FOXO1: variants seen among roughly 807,000 people sequenced by gnomAD.
The protein encoded by FOXO1 is forkhead box protein O1.
Under a neutral mutation model 44.1 loss-of-function variants are expected in FOXO1, and 6 were observed. The observed-to-expected ratio is 0.14, with a 90% CI of 0.07 to 0.27. The LOEUF (loss-of-function observed/expected upper bound fraction) is 0.27, where lower values mean the gene tolerates loss of function less well. FOXO1 is among the 10% of genes least tolerant of loss of function. The probability of loss-of-function intolerance (pLI) is 1.00; values close to 1 mark genes in which losing one functional copy is unlikely to be tolerated. For missense variants in FOXO1, 737 were observed against 888.8 expected, an observed-to-expected ratio of 0.83 and a Z score of 2.17; for synonymous variants, 380 against 362.7, an observed-to-expected ratio of 1.05 and a Z score of -0.54.
chr13:40,596,136 A>T (rs1334832271), intron 1 of FOXO1, among the ~76,000 whole-genome samples: 1 of 152,154 alleles, frequency 6.6e-6, no homozygotes, highest in Non-Finnish European at 1.5e-5. Context: ...ATGAGACTTC[A>T]GTCTTCTTAT....
At chr13:40,592,212 T>G (rs1004187289) in intron 1 of FOXO1, among the ~76,000 whole-genome samples, 5 of 152,184 alleles carry the variant, frequency 3.3e-5, no homozygotes, top group Non-Finnish European at 7.4e-5. Context: ...TCAATCTTCA[T>G]GCTACTCTGA....
At chr13:40,578,691 T>C (rs1370429194) in intron 1 of FOXO1, among the ~76,000 whole-genome samples, 3 of 152,198 alleles carry the variant, frequency 2.0e-5, no homozygotes, top group Non-Finnish European at 4.4e-5. Flanking sequence ...TAGGGTGATT[T>C]GAATTCACTG....
intron 1 of FOXO1, among the ~76,000 whole-genome samples, chr13:40,626,606 A>T (rs1398571441): frequency 6.6e-6 from 1 of 152,228 alleles, no homozygotes; most frequent in Non-Finnish European, 1.5e-5. Context: ...AATGATAACT[A>T]GGCTACATAA....
intron 1 of FOXO1, among the ~76,000 whole-genome samples, chr13:40,620,728 A>C (rs1876579961): frequency 6.6e-6 from 1 of 151,916 alleles, no homozygotes; most frequent in Non-Finnish European, 1.5e-5. Context: ...AAACAGTGAC[A>C]ATAGGGGTAG....
chr13:40,560,507 G>C lies in FOXO1; in HGVS notation c.984C>G (p.Leu328=). The C allele has an allele frequency of 3.1e-6, 5 of 1,614,144 alleles. No individual in the cohort carries two copies. In the East Asian group the frequency reaches 8.9e-5, roughly 29 times the overall value. ...SSNASTISGR[L]SPIMTEQDDL... ...CATCCTGTTCGGTCATAATGGGTGA[G>C]AGTCTCCCACTAATAGTACTAGCAT... Residue 328 remains leucine, a synonymous_variant, in exon 2 of 3, where the codon CTC becomes CTG. Coordinates refer to ENST00000379561, the MANE Select transcript of FOXO1 (RefSeq NM_002015.4). The surrounding 1 kb of genome is among the most constrained non-coding windows in gnomAD (Gnocchi z 5.1).
chr13:40,612,345 A>G (rs1342762059), intron 1 of FOXO1, among the ~76,000 whole-genome samples: 1 of 152,204 alleles, frequency 6.6e-6, no homozygotes, highest in South Asian at 2.1e-4. Context: ...GGCAGACAGT[A>G]TATCACAGAC....
intron 1 of FOXO1, among the ~76,000 whole-genome samples, chr13:40,564,907 T>A (rs1874203529): frequency 7.1e-6 from 1 of 141,428 alleles, no homozygotes; most frequent in Non-Finnish European, 1.5e-5. Flanking sequence ...AGCATGTGCT[T>A]CCTGGGAAGC....
intron 1 of FOXO1, among the ~76,000 whole-genome samples, chr13:40,602,633 A>C (rs933989804): frequency 6.6e-6 from 1 of 152,208 alleles, no homozygotes; most frequent in Non-Finnish European, 1.5e-5. Context: ...TTTCTACCCA[A>C]GGTCATTTAC....
chr13:40,640,481 T>A (rs1877311328), intron 1 of FOXO1, among the ~76,000 whole-genome samples: 1 of 152,202 alleles, frequency 6.6e-6, no homozygotes, highest in Non-Finnish European at 1.5e-5. Flanking sequence ...GATGATCCAG[T>A]TAGAAGGGCG....
At chr13:40,623,123 TAA>T (rs879575006) in intron 1 of FOXO1, among the ~76,000 whole-genome samples, 1 of 144,342 alleles carries the variant, frequency 6.9e-6, no homozygotes. Context: ...TGGGAATGTT[TAA>T]AAAAAAAAAA....
chr13:40,628,503 C>T (rs1043522728), intron 1 of FOXO1, among the ~76,000 whole-genome samples: 1 of 152,090 alleles, frequency 6.6e-6, no homozygotes, highest in Non-Finnish European at 1.5e-5. Flanking sequence ...CTCCCCAGTC[C>T]CAAAGAACTC....
intron 1 of FOXO1, among the ~76,000 whole-genome samples, chr13:40,562,179 T>C (rs991254017): frequency 1.3e-5 from 2 of 152,166 alleles, no homozygotes; most frequent in Non-Finnish European, 2.9e-5. Context: ...ACCAGTAGTA[T>C]GAGCAGGATG....
chr13:40,640,593 C>T (rs1160678975), intron 1 of FOXO1, among the ~76,000 whole-genome samples: 2 of 152,118 alleles, frequency 1.3e-5, no homozygotes, highest in African/African-American at 4.8e-5. Flanking sequence ...AGAGACAGTA[C>T]CTAATGGGAA....
chr13:40,584,496 A>AAAAAAAAAAAAC (rs1875078321), intron 1 of FOXO1, among the ~76,000 whole-genome samples: 1 of 125,470 alleles, frequency 8.0e-6, no homozygotes, highest in Non-Finnish European at 1.7e-5. Context: ...AAAAAAAAAA[A>AAAAAAAAAAAAC]AAAAAGCCAG....
intron 1 of FOXO1, among the ~76,000 whole-genome samples, chr13:40,585,281 T>A (rs770231390): frequency 1.3e-5 from 2 of 152,022 alleles, no homozygotes; most frequent in Non-Finnish European, 2.9e-5. Context: ...CACCTTGCAA[T>A]TTCCTGGAAT....
At chr13:40,600,788 A>C (rs1181329759) in intron 1 of FOXO1, among the ~76,000 whole-genome samples, 3 of 152,354 alleles carry the variant, frequency 2.0e-5, no homozygotes, top group East Asian at 3.9e-4. Context: ...GCATATTACC[A>C]ATTAGAATTT....
chr13:40,644,350 T>C (rs1340724427), intron 1 of FOXO1, among the ~76,000 whole-genome samples: 1 of 152,152 alleles, frequency 6.6e-6, no homozygotes, highest in African/African-American at 2.4e-5. Flanking sequence ...GGGAGCCAAG[T>C]AGGCAAAGCT....
chr13:40,585,481 C>T (rs1180353214), intron 1 of FOXO1, among the ~76,000 whole-genome samples: 1 of 152,214 alleles, frequency 6.6e-6, no homozygotes, highest in Non-Finnish European at 1.5e-5. Flanking sequence ...TTCTCCCAGC[C>T]AGATCACACC....
At chr13:40,636,018 T>C (rs1048250094) in intron 1 of FOXO1, among the ~76,000 whole-genome samples, 9 of 152,148 alleles carry the variant, frequency 5.9e-5, no homozygotes, top group African/African-American at 2.2e-4. Context: ...GAAACTAGCC[T>C]GGCCAACATG....
Sources: allele counts gnomAD v4.1 joint callset (sites outside exome capture counted in the v4.1 genomes callset), GRCh38; gene constraint gnomAD v4.1.1; non-coding constraint Gnocchi (gnomAD v3.1); transcripts MANE v1.5; gene names NCBI Gene and HGNC (gene_info 2026-07-23, HGNC 2026-07-21).